Variants in SPAG16 observed in about 807,000 individuals in gnomAD.
SPAG16 encodes sperm-associated antigen 16 protein.
Under a neutral mutation model 80.4 loss-of-function variants are expected in SPAG16, and 86 were observed. The observed-to-expected ratio is 1.07, with a 90% confidence interval of 0.90 to 1.28. SPAG16 has a LOEUF of 1.28. Among genes scored for constraint, SPAG16 ranks in the 50% most tolerant of loss-of-function variants. The pLI is 0.00. For missense variants in SPAG16, 870 were observed against 765.3 expected, an observed-to-expected ratio of 1.14 and a Z score of -1.61; for synonymous variants, 294 against 265.9, an observed-to-expected ratio of 1.11 and a Z score of -1.03.
At chr2:214,041,642 C>A (rs2049013702) in intron 13 of SPAG16, among the ~76,000 whole-genome samples, 2 of 151,596 alleles carry the variant, frequency 1.3e-5, no homozygotes, top group South Asian at 4.1e-4. Flanking sequence ...TTTTTCACTT[C>A]ACCATATAAT....
chr2:214,167,878 A>C (rs2056721808), intron 15 of SPAG16, among the ~76,000 whole-genome samples: 1 of 151,588 alleles, frequency 6.6e-6, no homozygotes, highest in African/African-American at 2.4e-5. Context: ...CCAGAGTGAC[A>C]CTGACTGGTT....
chr2:214,263,176 T>A (rs2125876487), intron 15 of SPAG16, among the ~76,000 whole-genome samples: 2 of 152,248 alleles, frequency 1.3e-5, no homozygotes, highest in East Asian at 3.9e-4. Context: ...TTTCATCTTA[T>A]AACAGAAAGT....
In SPAG16 at chr2:213,600,614, G is replaced by A. The variant is rs189324478; in HGVS notation, c.1070+110524G>A. ...CAACTTTCTCCATCCAATTTATGCT[G>A]TAATTGTTTGTGACAATGTGGGAAA... On this transcript the variant is annotated intron_variant, in intron 10 of 15. Transcript: ENST00000331683. Among the ~76,000 whole-genome samples the A allele has an allele frequency of 3.3e-5, 5 of 152,204 alleles. No homozygotes were observed. The East Asian group carries it at 9.6e-4, about 29-fold the overall frequency.
At chr2:214,161,931 T>G (rs754936880) in intron 15 of SPAG16, among the ~76,000 whole-genome samples, 41 of 152,254 alleles carry the variant, frequency 2.7e-4, no homozygotes, top group Non-Finnish European at 5.4e-4. Context: ...GAGGAGGGAT[T>G]GCTGAAGAAT....
intron 13 of SPAG16, among the ~76,000 whole-genome samples, chr2:214,095,665 A>G (rs2052542438): frequency 6.6e-6 from 1 of 152,080 alleles, no homozygotes; most frequent in Admixed American, 6.6e-5. Flanking sequence ...AAAAATGAAA[A>G]CTTGTATTGG....
At chr2:213,391,074 C>T (rs1458514825) in intron 9 of SPAG16, among the ~76,000 whole-genome samples, 1 of 152,104 alleles carries the variant, frequency 6.6e-6, no homozygotes, top group African/African-American at 2.4e-5. Context: ...TCAAGACCAG[C>T]CTGACCAATA....
chr2:213,457,552 C>T (rs1255177219), intron 9 of SPAG16, among the ~76,000 whole-genome samples: 1 of 152,130 alleles, frequency 6.6e-6, no homozygotes, highest in Non-Finnish European at 1.5e-5. Context: ...TATATCTACC[C>T]TGTGGCTTTT....
chr2:214,221,516 T>A (rs1451623833), intron 15 of SPAG16, among the ~76,000 whole-genome samples: 1 of 152,184 alleles, frequency 6.6e-6, no homozygotes, highest in African/African-American at 2.4e-5. Context: ...AAGTAAGATG[T>A]CCCACTGAAT....
In SPAG16 at chr2:213,860,112, C is replaced by T. The variant is rs968530069; in HGVS notation, c.1071-2373C>T. Among the ~76,000 whole-genome samples, 4 of 152,008 alleles carry T rather than the reference C, an allele frequency of 2.6e-5. No individual in the cohort carries two copies. In the East Asian group the frequency reaches 7.7e-4, roughly 29 times the overall value. On this transcript the variant is annotated intron_variant, in intron 10 of 15. Transcript: ENST00000331683. ...TAGCCCTTAAACTGCTTCCCTCCCA[C>T]AGGAGTGATTTGAACTGAGATTTGG...
chr2:214,268,179 A>G (rs1226485343), intron 15 of SPAG16, among the ~76,000 whole-genome samples: 1 of 151,688 alleles, frequency 6.6e-6, no homozygotes, highest in East Asian at 1.9e-4. Flanking sequence ...AGCGTTGGCA[A>G]GCACGTGGAG....
intron 13 of SPAG16, among the ~76,000 whole-genome samples, chr2:214,043,929 A>G (rs1014120235): frequency 1.3e-5 from 2 of 152,098 alleles, no homozygotes; most frequent in African/African-American, 4.8e-5. Context: ...GTCCCTTATT[A>G]TTATTGTAGT....
At chr2:213,351,195 A>G (rs769043968) in intron 7 of SPAG16, among the ~76,000 whole-genome samples, 6 of 152,164 alleles carry the variant, frequency 3.9e-5, no homozygotes, top group Non-Finnish European at 8.8e-5. Flanking sequence ...TTTATAGCAG[A>G]TTATTAAATT....
At chr2:214,268,414 G>A (rs988676809) in intron 15 of SPAG16, among the ~76,000 whole-genome samples, 5 of 151,850 alleles carry the variant, frequency 3.3e-5, no homozygotes, top group African/African-American at 4.8e-5. Flanking sequence ...GTCCATCAGT[G>A]CATGAATGGA....
chr2:213,962,684 A>G (rs564206749), intron 12 of SPAG16, among the ~76,000 whole-genome samples: 1 of 152,338 alleles, frequency 6.6e-6, no homozygotes, highest in Admixed American at 6.5e-5. Context: ...TAAGCCACCC[A>G]GTCTGTGGAG....
At chr2:213,870,425 G>C (rs1156880823) in intron 11 of SPAG16, among the ~76,000 whole-genome samples, 1 of 152,122 alleles carries the variant, frequency 6.6e-6, no homozygotes, top group Non-Finnish European at 1.5e-5. Flanking sequence ...ATGTATTATA[G>C]ATAAATAAAT....
chr2:213,985,524 A>T (rs991100734), intron 12 of SPAG16, among the ~76,000 whole-genome samples: 1 of 152,122 alleles, frequency 6.6e-6, no homozygotes, highest in South Asian at 2.1e-4. Flanking sequence ...AAAAATTTAT[A>T]TTATTTTGCC....
intron 9 of SPAG16, among the ~76,000 whole-genome samples, chr2:213,441,523 G>T (rs1392927395): frequency 6.6e-6 from 1 of 152,144 alleles, no homozygotes; most frequent in Non-Finnish European, 1.5e-5. Context: ...GACTTACAAA[G>T]TATCAGTAAT....
intron 6 of SPAG16, among the ~76,000 whole-genome samples, chr2:213,344,548 G>A (rs1681983742): frequency 6.6e-6 from 1 of 152,046 alleles, no homozygotes; most frequent in Admixed American, 6.6e-5. Context: ...CCCCACAACA[G>A]GCCCCGGTAT....
At chr2:213,996,571 T>TA (rs2046527341) in intron 12 of SPAG16, among the ~76,000 whole-genome samples, 1 of 147,570 alleles carries the variant, frequency 6.8e-6, no homozygotes, top group Non-Finnish European at 1.5e-5. Context: ...TATTCTTTTT[T>TA]TTTTTTTTTT....
Sources: allele counts gnomAD v4.1 joint callset (sites outside exome capture counted in the v4.1 genomes callset), GRCh38; gene constraint gnomAD v4.1.1; transcripts MANE v1.5; gene names NCBI Gene and HGNC (gene_info 2026-07-23, HGNC 2026-07-21).